The following IDH2 variants were observed in gnomAD, a reference collection of about 807,000 sequenced individuals.
The protein encoded by IDH2 is isocitrate dehydrogenase (NADP(+)) 2, also known as isocitrate dehydrogenase [NADP], mitochondrial.
In IDH2, 18 loss-of-function variants were observed where a neutral mutation model predicts 50.5. The ratio of observed to expected loss-of-function variants is 0.36; its 90% CI spans 0.25 to 0.53. The LOEUF is 0.53. Among genes scored for constraint, IDH2 ranks in the 20% least tolerant of loss-of-function variants. The pLI is 0.92. For synonymous variants in IDH2, 280 were observed against 239.8 expected (o/e 1.17, Z -1.55); for missense variants, 518 against 610.7 (o/e 0.85, Z 1.60).
At chr15:90,096,057 A>G (rs34552862) in intron 1 of IDH2, among the ~76,000 whole-genome samples, 64,427 of 152,086 alleles carry the variant, frequency 0.42, 15,541 homozygotes, top group Non-Finnish European at 0.56. Flanking sequence ...AGCACTTTGG[A>G]AGGCTGAAGA....
At chr15:90,102,195 T>A in intron 1 of IDH2, 81 bp downstream of exon 1, 1 of 547,196 alleles carries the variant, frequency 1.8e-6, no homozygotes, top group South Asian at 9.2e-5. Flanking sequence ...TGGCGGGACG[T>A]GCTTCCCGGC....
intron 1 of IDH2, 100 bp downstream of exon 1, chr15:90,102,170 CCCCGGG>C: frequency 2.4e-6 from 1 of 414,836 alleles, no homozygotes; most frequent in African/African-American, 2.1e-5. Context: ...ACCCCGCCGT[CCCCGGG>C]CTGCGGGCTG....
chr15:90,091,489 G>T, intron 2 of IDH2, 64 bp downstream of exon 2: 1 of 1,283,440 alleles, frequency 7.8e-7, no homozygotes, highest in Non-Finnish European at 1.1e-6. Context: ...AGAAGACCCT[G>T]TGGGACAGAA....
At chr15:90,101,341 C>T (rs1039842798) in intron 1 of IDH2, among the ~76,000 whole-genome samples, 3 of 152,194 alleles carry the variant, frequency 2.0e-5, no homozygotes, top group African/African-American at 7.2e-5. Context: ...TTAGGCAGGG[C>T]CAAGGGACCT....
Position 90,090,472 on chromosome 15 carries a change from C to G in IDH2, c.373+7G>C. On this transcript the variant is annotated splice_region_variant and intron_variant, in intron 3 of 10. Coordinates refer to ENST00000330062, the MANE Select transcript of IDH2 (RefSeq NM_002168.4). ...TCCCTGGCCCGCCCACCTCCACACC[C>G]TCGCACCTTCCACACGGGCCTCATC... The G allele has an allele frequency of 6.2e-7, 1 of 1,612,874 alleles. No individual in the cohort carries two copies. Among genetic ancestry groups the G allele is most frequent in the South Asian group, 1.1e-5 (1 of 91,000 alleles).
rs545758743 is a variant in IDH2 at position 90,102,210 on chromosome 15, G to A, written c.115+66C>T. ...TGGCGGGACGTGCTTCCCGGCCCCA[G>A]CCTGGGAAGCCGCCACGTCGCAGCT... is the stretch of plus-strand genomic sequence containing the variant. On this transcript the variant is annotated intron_variant, in intron 1 of 10. Transcript: ENST00000330062. The A allele has an allele frequency of 4.9e-4, 334 of 676,046 alleles. No individual in the cohort carries two copies. In the African/African-American group the frequency reaches 5.9e-3, roughly 12 times the overall value. The allele number at this position is 676,046 out of a possible 1,614,324, so 41.9% of individuals were successfully genotyped here.
In IDH2 at chr15:90,100,552, G is replaced by T; in HGVS notation, c.115+1724C>A. On this transcript the variant is annotated intron_variant, in intron 1 of 10. Transcript: ENST00000330062. This position sits in a 1 kb window ranked among gnomAD's most constrained non-coding sequence, Gnocchi z 4.1. Reference sequence around the variant, plus strand: ...ACTGAGCCGTTCACAGAACTGGTCCGCACTGCCCCAAGCTCTAACTTACCA... The same window carrying T: ...ACTGAGCCGTTCACAGAACTGGTCCTCACTGCCCCAAGCTCTAACTTACCA... The T allele has an allele frequency of 1.2e-6, 1 of 863,438 alleles. No homozygotes were observed. The highest frequency in any genetic ancestry group is 1.4e-6 in the Non-Finnish European group (1 of 718,514). The allele number at this position is 863,438 out of a possible 1,614,324, so 53.5% of individuals were successfully genotyped here.
rs1901304115 is a variant in IDH2, at chr15:90,100,621, T to C, written c.115+1655A>G. 2.0e-6 allele frequency: 2 copies of C among 985,208 alleles called. No homozygotes were observed. Among genetic ancestry groups the C allele is most frequent in the Non-Finnish European group, 2.4e-6 (2 of 829,924 alleles). The allele number at this position is 985,208 out of a possible 1,614,324, so 61.0% of individuals were successfully genotyped here. A position where few individuals can be genotyped will look rare whatever the true frequency, so the allele number is the denominator to read the frequency against. On this transcript the variant is annotated intron_variant, in intron 1 of 10. Transcript: ENST00000330062. This position sits in a 1 kb window ranked among gnomAD's most constrained non-coding sequence, Gnocchi z 4.1. ...GCTGGAAGCCTATGGCGTTGCAAAA[T>C]AGGAAAAGATGCGTGCAGGAATTAC...
In IDH2 at chr15:90,088,957, C is replaced by T. The variant is rs574197396; in HGVS notation, c.374-210G>A. ...GAGACAGAGTTTTGCTCCTATTGCC[C>T]AGGCTGGAGTGCAATGGCGCGATCT... On this transcript the variant is annotated intron_variant, in intron 3 of 10. Coordinates refer to ENST00000330062, the MANE Select transcript of IDH2 (RefSeq NM_002168.4). 3.4e-5 allele frequency among the ~76,000 whole-genome samples: 5 copies of T among 147,492 alleles called. No individual in the cohort carries two copies. The East Asian group carries it at 7.9e-4, about 23-fold the overall frequency.
At chr15:90,090,249 C>T (rs1900996953) in intron 3 of IDH2, among the ~76,000 whole-genome samples, 1 of 152,212 alleles carries the variant, frequency 6.6e-6, no homozygotes, top group Admixed American at 6.5e-5. Flanking sequence ...CTTACCCACG[C>T]CTGCCCCAGC....
chr15:90,097,792 T>C (rs1165097206), intron 1 of IDH2, among the ~76,000 whole-genome samples: 4 of 152,162 alleles, frequency 2.6e-5, no homozygotes, highest in African/African-American at 4.8e-5. Context: ...TACTGTACAC[T>C]GAACAATGAC....
chr15:90,101,175 C>A lies in IDH2; in HGVS notation c.115+1101G>T, dbSNP rs76788017. Among the ~76,000 whole-genome samples, 28 of 152,198 alleles carry A rather than the reference C, an allele frequency of 1.8e-4. 1 individual carries two copies. The East Asian group carries it at 4.8e-3, about 26-fold the overall frequency. On this transcript the variant is annotated intron_variant, in intron 1 of 10. Transcript: ENST00000330062. The stretch of plus-strand genomic sequence containing the variant: ...GACTGGGGCCCAAGCCTCCCTACCC[C>A]CCCGGCTCTAGTCAGCTGCTCCCAC...
At chr15:90,087,022 A>C in intron 7 of IDH2, 90 bp downstream of exon 7, 2 of 1,421,622 alleles carry the variant, frequency 1.4e-6, no homozygotes, top group Non-Finnish European at 2.0e-6. Context: ...CTGCTCCACT[A>C]GAGTTTTCTA....
chr15:90,102,243 C>G lies in IDH2; in HGVS notation c.115+33G>C, dbSNP rs951711794. Reference sequence around the variant, plus strand: ...AGCCGCCACGTCGCAGCTGGGGGCGCGCGCCTGCCTGGACCCTCCGCGCGG... The same window carrying G: ...AGCCGCCACGTCGCAGCTGGGGGCGGGCGCCTGCCTGGACCCTCCGCGCGG... On this transcript the variant is annotated intron_variant, in intron 1 of 10. Transcript: ENST00000330062. 4 of 970,980 alleles carry G rather than the reference C, an allele frequency of 4.1e-6. No individual in the cohort carries two copies. In the African/African-American group the frequency reaches 6.9e-5, roughly 17 times the overall value. The allele number at this position is 970,980 out of a possible 1,614,324, so 60.1% of individuals were successfully genotyped here.
At position 90,084,254 on chromosome 15, in the gene IDH2, T is replaced by C. The variant is rs747501657; in HGVS notation, c.*12A>G. The C allele has an allele frequency of 6.2e-7, 1 of 1,612,162 alleles. No homozygotes were observed. The highest frequency in any genetic ancestry group is 1.7e-4 in the Middle Eastern group (1 of 5,758). On this transcript the variant is annotated 3_prime_UTR_variant, in exon 11 of 11. Coordinates refer to ENST00000330062, the MANE Select transcript of IDH2 (RefSeq NM_002168.4). This position sits in a 1 kb window ranked among gnomAD's most constrained non-coding sequence, Gnocchi z 5.0. ...CTGGCCCCTCCACTGCAGCCATGGG[T>C]GGCGCCTCCCCCTACTGCCTGCCCA...
chr15:90,093,705 T>A (rs1596078195), intron 1 of IDH2, among the ~76,000 whole-genome samples: 1 of 152,146 alleles, frequency 6.6e-6, no homozygotes, highest in African/African-American at 2.4e-5. Flanking sequence ...CTGCAACCTC[T>A]GCCTCCCGGG....
At chr15:90,087,712 G>A (rs1900902013) in intron 5 of IDH2, 137 bp from the exon 6 acceptor site, 4 of 899,654 alleles carry the variant, frequency 4.4e-6, no homozygotes, top group South Asian at 2.7e-5. Flanking sequence ...ACCAGCCTCC[G>A]TGCAGTGCAC....
At chr15:90,095,258 G>C (rs745550292) in intron 1 of IDH2, among the ~76,000 whole-genome samples, 27 of 152,022 alleles carry the variant, frequency 1.8e-4, no homozygotes, top group African/African-American at 5.1e-4. Context: ...CCATTCCCTA[G>C]AGAACAAAAG....
chr15:90,087,582 G>C lies in IDH2; in HGVS notation c.679-7C>G, dbSNP rs752232116. 42 of 1,612,798 alleles carry C rather than the reference G, an allele frequency of 2.6e-5. No individual in the cohort carries two copies. Among genetic ancestry groups the C allele is most frequent in the South Asian group, 6.6e-5 (6 of 91,014 alleles). ...GCGCAAAACCTGAGATGGACTGCAG[G>C]GGGAGAGACAGGGCCCTGGCGTGGT... is the stretch of plus-strand genomic sequence containing the variant. On this transcript the variant is annotated splice_region_variant and splice_polypyrimidine_tract_variant and intron_variant, in intron 5 of 10. Coordinates refer to ENST00000330062, the MANE Select transcript of IDH2 (RefSeq NM_002168.4).
Sources: allele counts gnomAD v4.1 joint callset (sites outside exome capture counted in the v4.1 genomes callset), GRCh38; gene constraint gnomAD v4.1.1; non-coding constraint Gnocchi (gnomAD v3.1); transcripts MANE v1.5; gene names NCBI Gene and HGNC (gene_info 2026-07-23, HGNC 2026-07-21).